Variants in ATG2B observed in about 807,000 individuals in gnomAD.
ATG2B encodes the protein autophagy-related protein 2 homolog B.
Under a neutral mutation model 241.3 loss-of-function variants are expected in ATG2B, and 121 were observed. That is an observed-to-expected ratio of 0.50 (90% CI 0.43 to 0.58). The LOEUF is 0.58. Among genes scored for constraint, ATG2B ranks in the 20% least tolerant of loss-of-function variants. The pLI is 0.00. For synonymous variants in ATG2B, 858 were observed against 876.6 expected (o/e 0.98, Z 0.37); for missense variants, 2,306 against 2,491.6 (o/e 0.93, Z 1.59).
chr14:96,318,666 A>G (rs1406346199), intron 18 of ATG2B, among the ~76,000 whole-genome samples: 1 of 152,194 alleles, frequency 6.6e-6, no homozygotes, highest in African/African-American at 2.4e-5. Context: ...ATGGGAAGGC[A>G]TATGTCATAC....
rs1297829377 is a variant in ATG2B at position 96,359,993 on chromosome 14, A to C, written c.162+2822T>G. Among the ~76,000 whole-genome samples the C allele has an allele frequency of 2.6e-5, 4 of 152,366 alleles. No individual in the cohort carries two copies. The East Asian group carries it at 7.7e-4, about 29-fold the overall frequency. Reference sequence around the variant, plus strand: ...AGTAGTTCCACAACAGAGAAGGATTAAGAGTGGTGCCCTCAGTTGGATGTT... The same window carrying C: ...AGTAGTTCCACAACAGAGAAGGATTCAGAGTGGTGCCCTCAGTTGGATGTT... On this transcript the variant is annotated intron_variant, in intron 1 of 41. Coordinates refer to ENST00000359933, the MANE Select transcript of ATG2B (RefSeq NM_018036.7).
At chr14:96,333,948 T>G in intron 7 of ATG2B, 75 bp from the exon 8 acceptor site, 1 of 1,300,678 alleles carries the variant, frequency 7.7e-7, no homozygotes, top group Non-Finnish European at 1.1e-6. Flanking sequence ...CCAAAACCCA[T>G]TTATGGAACA....
intron 34 of ATG2B, among the ~76,000 whole-genome samples, chr14:96,297,395 T>C (rs1322575402): frequency 1.3e-5 from 2 of 152,024 alleles, no homozygotes; most frequent in Non-Finnish European, 2.9e-5. Flanking sequence ...CAGCTTTTTT[T>C]GTTTTGTTTT....
rs539351597 is a variant in ATG2B, at chr14:96,334,205, A to G, written c.1021+200T>C. Among the ~76,000 whole-genome samples, 6 of 152,364 alleles carry G rather than the reference A, an allele frequency of 3.9e-5. No homozygotes were observed. The South Asian group carries it at 1.2e-3, about 32-fold the overall frequency. On this transcript the variant is annotated intron_variant, in intron 7 of 41. Transcript: ENST00000359933. ...TAGAAAAGTTAAGAATGTGACACAC[A>G]TAATCTGAAGTGAATATGTCCCATG...
At chr14:96,310,303 A>T (rs1887114784) in intron 28 of ATG2B, among the ~76,000 whole-genome samples, 1 of 152,242 alleles carries the variant, frequency 6.6e-6, no homozygotes, top group South Asian at 2.1e-4. Context: ...AGAAATTAAC[A>T]CAAATAAAGT....
Position 96,290,102 on chromosome 14 carries a change from T to G in ATG2B, c.5857-297A>C. 1 of 1,225,926 alleles carries G rather than the reference T, an allele frequency of 8.2e-7. No homozygotes were observed. The highest frequency in any genetic ancestry group is 1.0e-6 in the Non-Finnish European group (1 of 971,312). 75.9% of individuals were successfully genotyped at this position (1,225,926 alleles called of 1,614,324 possible). On this transcript the variant is annotated intron_variant, in intron 40 of 41. Transcript: ENST00000359933. This position sits in a 1 kb window ranked among gnomAD's most constrained non-coding sequence, Gnocchi z 4.4. ...CTATGGAGCTTAATACTTACTAGAA[T>G]GATCTTTAATACTTCTGTTTAATCT...
At position 96,323,289 on chromosome 14, in the gene ATG2B, CA is replaced by C. The variant is rs1887505191; in HGVS notation, c.2541-555del. Among the ~76,000 whole-genome samples, 3 of 152,300 alleles carry C rather than the reference CA, an allele frequency of 2.0e-5. No individual in the cohort carries two copies. In the South Asian group the frequency reaches 6.2e-4, roughly 32 times the overall value. ...AAACCTAAAGATCACTGAGTTAATG[CA>C]GCCTATGACTACAAAAACTAATGAG... On this transcript the variant is annotated intron_variant, in intron 16 of 41. Transcript: ENST00000359933.
intron 18 of ATG2B, among the ~76,000 whole-genome samples, chr14:96,318,693 T>C (rs944358073): frequency 2.6e-5 from 4 of 152,044 alleles, no homozygotes; most frequent in Non-Finnish European, 4.4e-5. Context: ...TGTCACCACA[T>C]CCTACTTTTT....
chr14:96,352,923 G>A (rs1467333375), intron 1 of ATG2B, among the ~76,000 whole-genome samples: 1 of 152,160 alleles, frequency 6.6e-6, no homozygotes, highest in African/African-American at 2.4e-5. Flanking sequence ...TTCACTCACT[G>A]ACTCACTCAG....
In ATG2B at chr14:96,282,759, A is replaced by T. The variant is rs78506518; in HGVS notation, c.*2996T>A. The T allele has an allele frequency of 3.1e-4, 47 of 152,372 alleles. No individual in the cohort carries two copies. Among genetic ancestry groups the T allele is most frequent in the African/African-American group, 1.1e-3 (45 of 41,602 alleles). 9.4% of individuals were successfully genotyped at this position (152,372 alleles called of 1,614,324 possible). A position where few individuals can be genotyped will look rare whatever the true frequency, so the allele number is the denominator to read the frequency against. On this transcript the variant is annotated 3_prime_UTR_variant, in exon 42 of 42. Transcript: ENST00000359933. ...TGAACAAAGACACTAAACCTACAGA[A>T]CATCGTTTTTAAAGGAGATAGTTAA...
chr14:96,354,904 GCTT>G (rs1409326043), intron 1 of ATG2B, among the ~76,000 whole-genome samples: 2 of 152,138 alleles, frequency 1.3e-5, no homozygotes, highest in Non-Finnish European at 2.9e-5. Flanking sequence ...GTGATGTTGA[GCTT>G]TTTTTTCCAC....
chr14:96,290,435 C>T lies in ATG2B; in HGVS notation c.5856+1G>A. On this transcript the variant is annotated splice_donor_variant, in intron 40 of 41. Transcript: ENST00000359933. LOFTEE classifies it high-confidence loss of function. The surrounding 1 kb of genome is among the most constrained non-coding windows in gnomAD (Gnocchi z 4.4). Reference sequence around the variant, plus strand: ...TAGACTAAGGCAGTCTAAAAAGATACCTGTATGGTTTGAACCATTCTGTTT... The same window carrying T: ...TAGACTAAGGCAGTCTAAAAAGATATCTGTATGGTTTGAACCATTCTGTTT... The T allele has an allele frequency of 6.2e-7, 1 of 1,613,986 alleles. No homozygotes were observed. The highest frequency in any genetic ancestry group is 1.1e-5 in the South Asian group (1 of 91,064).
rs750350330 is a variant in ATG2B at position 96,285,194 on chromosome 14, C to T, written c.*561G>A. On this transcript the variant is annotated 3_prime_UTR_variant, in exon 42 of 42. Transcript: ENST00000359933. The surrounding 1 kb of genome is among the most constrained non-coding windows in gnomAD (Gnocchi z 4.2). The stretch of plus-strand genomic sequence containing the variant: ...CAACAGAACATGTCTGCAACATTCA[C>T]TTTCTCAAACCCCCACAGAAGGATT... 118 of 153,978 alleles carry T rather than the reference C, an allele frequency of 7.7e-4. No individual in the cohort carries two copies. The highest frequency in any genetic ancestry group is 1.3e-3 in the Non-Finnish European group (90 of 69,164). The allele number at this position is 153,978 out of a possible 1,614,324, so 9.5% of individuals were successfully genotyped here.
intron 34 of ATG2B, among the ~76,000 whole-genome samples, chr14:96,300,748 C>T (rs983571764): frequency 6.6e-6 from 1 of 152,098 alleles, no homozygotes; most frequent in African/African-American, 2.4e-5. Flanking sequence ...ACTTAAAGTA[C>T]TGATTGGCAA....
At chr14:96,308,280 ATATTTT>A (rs1887053889) in intron 29 of ATG2B, among the ~76,000 whole-genome samples, 2 of 28,652 alleles carry the variant, frequency 7.0e-5, no homozygotes. Context: ...ATATATATAT[ATATTTT>A]TTTTTTTTTT....
chr14:96,339,436 T>C (rs112981586), intron 6 of ATG2B, among the ~76,000 whole-genome samples: 1,617 of 152,034 alleles, frequency 0.011, 29 homozygotes, highest in African/African-American at 0.037. Context: ...ATGGTGTATA[T>C]TTATGTGGTA....
intron 1 of ATG2B, among the ~76,000 whole-genome samples, chr14:96,354,977 T>G (rs1888435409): frequency 1.3e-5 from 2 of 152,228 alleles, no homozygotes; most frequent in African/African-American, 4.8e-5. Flanking sequence ...CTTTGCCCAC[T>G]TTTTAATGGG....
rs112609665 is a variant in ATG2B at position 96,302,336 on chromosome 14, C to T, written c.5038-228G>A. 0.021 allele frequency among the ~76,000 whole-genome samples: 3,259 copies of T among 152,198 alleles called. 124 individuals are homozygous for T. Among genetic ancestry groups the T allele is most frequent in the African/African-American group, 0.074 (3,068 of 41,528 alleles). ...CGGTGGCTCATGCCAGTAATCTCAA[C>T]ACTTTGGGAGGCTAAGGTGGGAGGA... On this transcript the variant is annotated intron_variant, in intron 33 of 41. Coordinates refer to ENST00000359933, the MANE Select transcript of ATG2B (RefSeq NM_018036.7).
intron 18 of ATG2B, chr14:96,318,111 C>A: frequency 3.4e-6 from 1 of 294,560 alleles, no homozygotes; most frequent in Non-Finnish European, 6.2e-6. Context: ...AGATACTTGC[C>A]TAATTTTACC....
Sources: allele counts gnomAD v4.1 joint callset (sites outside exome capture counted in the v4.1 genomes callset), GRCh38; gene constraint gnomAD v4.1.1; non-coding constraint Gnocchi (gnomAD v3.1); transcripts MANE v1.5; gene names NCBI Gene and HGNC (gene_info 2026-07-23, HGNC 2026-07-21).